Variants in CTNNA3 observed in about 807,000 individuals in gnomAD.
CTNNA3 encodes catenin alpha-3.
In CTNNA3, 76 loss-of-function variants were observed where a neutral mutation model predicts 95.7. That is an observed-to-expected ratio of 0.79 (90% CI 0.66 to 0.96). CTNNA3 has a LOEUF of 0.96. CTNNA3 is among the 40% of genes least tolerant of loss of function. The pLI, the probability that CTNNA3 is intolerant of heterozygous loss-of-function variation, is 0.00. For synonymous variants in CTNNA3, 431 were observed against 374.4 expected (o/e 1.15, Z -1.74); for missense variants, 1,191 against 1,089.8 (o/e 1.09, Z -1.31).
At chr10:65,952,405 TTC>T (rs760553804) in intron 17 of CTNNA3, among the ~76,000 whole-genome samples, 11 of 152,160 alleles carry the variant, frequency 7.2e-5, no homozygotes, top group Non-Finnish European at 1.5e-4. Flanking sequence ...ATCTTCTTTC[TTC>T]TCTTTCCTTT....
At chr10:66,433,918 G>A (rs1192173869) in intron 11 of CTNNA3, among the ~76,000 whole-genome samples, 1 of 152,178 alleles carries the variant, frequency 6.6e-6, no homozygotes, top group Non-Finnish European at 1.5e-5. Flanking sequence ...CCCATTGCTT[G>A]TTTGTGTCAG....
At chr10:66,487,819 C>T (rs1170045401) in intron 11 of CTNNA3, among the ~76,000 whole-genome samples, 3 of 152,186 alleles carry the variant, frequency 2.0e-5, no homozygotes, top group African/African-American at 7.2e-5. Flanking sequence ...CTAAAGTAAA[C>T]GTTAAATTTA....
chr10:67,542,326 T>C (rs1441751120), intron 3 of CTNNA3, among the ~76,000 whole-genome samples: 3 of 152,132 alleles, frequency 2.0e-5, no homozygotes, highest in African/African-American at 7.2e-5. Context: ...ACCTTCATCA[T>C]AATTTATTAT....
intron 11 of CTNNA3, among the ~76,000 whole-genome samples, chr10:66,483,894 GATCT>G (rs1226491429): frequency 6.6e-6 from 1 of 151,922 alleles, no homozygotes; most frequent in African/African-American, 2.4e-5. Flanking sequence ...AAAAAAATAA[GATCT>G]ATCTGAAAAA....
chr10:65,925,141 T>G (rs2077147169), intron 17 of CTNNA3, among the ~76,000 whole-genome samples: 1 of 152,150 alleles, frequency 6.6e-6, no homozygotes, highest in African/African-American at 2.4e-5. Context: ...AGAAAATGCA[T>G]CTGTGTGTTT....
chr10:67,086,734 A>G (rs1447337566), intron 7 of CTNNA3, among the ~76,000 whole-genome samples: 2 of 151,952 alleles, frequency 1.3e-5, no homozygotes, highest in Non-Finnish European at 2.9e-5. Flanking sequence ...AGACCAAAAT[A>G]CCCTATCAGT....
intron 7 of CTNNA3, among the ~76,000 whole-genome samples, chr10:66,924,143 G>A (rs575523299): frequency 6.6e-6 from 1 of 152,246 alleles, no homozygotes; most frequent in South Asian, 2.1e-4. Flanking sequence ...GGAGGGATTG[G>A]GCAGTCTATC....
chr10:67,431,665 G>A (rs563128705), intron 5 of CTNNA3, among the ~76,000 whole-genome samples: 1 of 152,042 alleles, frequency 6.6e-6, no homozygotes, highest in South Asian at 2.1e-4. Context: ...AACATGTACA[G>A]CATTCTTATT....
intron 5 of CTNNA3, among the ~76,000 whole-genome samples, chr10:67,475,358 C>T (rs1029080217): frequency 6.6e-6 from 1 of 152,148 alleles, no homozygotes; most frequent in African/African-American, 2.4e-5. Context: ...CAACTGTATG[C>T]ATTTTCAAAA....
intron 11 of CTNNA3, among the ~76,000 whole-genome samples, chr10:66,491,770 G>T (rs948387225): frequency 6.6e-6 from 1 of 151,958 alleles, no homozygotes; most frequent in African/African-American, 2.4e-5. Flanking sequence ...GTAATTAAAA[G>T]GATTAGAAAA....
chr10:66,425,559 A>G (rs963484978), intron 11 of CTNNA3, among the ~76,000 whole-genome samples: 9 of 152,078 alleles, frequency 5.9e-5, no homozygotes, highest in African/African-American at 2.2e-4. Context: ...GAATCTTAGC[A>G]TATTTAAAGT....
chr10:66,513,154 T>C (rs774336901), intron 11 of CTNNA3, among the ~76,000 whole-genome samples: 25 of 152,204 alleles, frequency 1.6e-4, no homozygotes, highest in Admixed American at 1.4e-3. Flanking sequence ...ACTATTTGTT[T>C]GCATAGTGAT....
intron 10 of CTNNA3, among the ~76,000 whole-genome samples, chr10:66,598,922 C>T (rs907895732): frequency 6.6e-6 from 1 of 151,784 alleles, no homozygotes; most frequent in East Asian, 1.9e-4. Flanking sequence ...CCACAAAATA[C>T]ACCAAATAAC....
chr10:67,052,310 A>ATCCCTCTCTC (rs1238182355), intron 7 of CTNNA3, among the ~76,000 whole-genome samples: 1 of 92,760 alleles, frequency 1.1e-5, no homozygotes, highest in Non-Finnish European at 2.2e-5. Context: ...ACACCCACTC[A>ATCCCTCTCTC]TCACTCTCTC....
chr10:66,398,948 G>T (rs1345423208), intron 11 of CTNNA3, among the ~76,000 whole-genome samples: 1 of 151,904 alleles, frequency 6.6e-6, no homozygotes, highest in African/African-American at 2.4e-5. Context: ...ACAACATCTG[G>T]TCTGATTTCC....
intron 5 of CTNNA3, among the ~76,000 whole-genome samples, chr10:67,282,758 AT>A (rs1839449231): frequency 1.3e-5 from 2 of 152,084 alleles, no homozygotes; most frequent in African/African-American, 4.8e-5. Flanking sequence ...GACTTTCAAG[AT>A]TGGGGCTCAG....
chr10:67,042,099 T>C (rs1564849845), intron 7 of CTNNA3, among the ~76,000 whole-genome samples: 1 of 152,176 alleles, frequency 6.6e-6, no homozygotes, highest in Non-Finnish European at 1.5e-5. Flanking sequence ...GACTTTTTAA[T>C]AAACAGGAGA....
chr10:66,520,531 C>CA, intron 11 of CTNNA3, 86 bp downstream of exon 11: 1 of 1,248,980 alleles, frequency 8.0e-7, no homozygotes, highest in African/African-American at 1.6e-5. Context: ...GCATTACAGG[C>CA]ATGAGCCACC....
chr10:65,998,214 A>C (rs181494786), intron 15 of CTNNA3, among the ~76,000 whole-genome samples: 107 of 152,272 alleles, frequency 7.0e-4, no homozygotes, highest in Non-Finnish European at 1.3e-3. Flanking sequence ...ATTTTGATAC[A>C]AGAACAGCAT....
Sources: gnomAD v4.1 joint callset for allele counts (sites outside exome capture counted in the v4.1 genomes callset) on GRCh38, gnomAD v4.1.1 for gene constraint, MANE v1.5 for transcripts, NCBI Gene and HGNC (gene_info 2026-07-23, HGNC 2026-07-21) for gene names.